Variants in CFAP54 observed in about 807,000 individuals in gnomAD.
The protein encoded by CFAP54 is cilia- and flagella-associated protein 54.
CFAP54 carries 290 observed loss-of-function variants against 370.4 expected under a neutral mutation model. The ratio of observed to expected loss-of-function variants is 0.78; its 90% confidence interval spans 0.71 to 0.86. CFAP54 has a LOEUF of 0.86. CFAP54 is among the 40% of genes least tolerant of loss of function. The probability of loss-of-function intolerance (pLI) is 0.00; values close to 1 mark genes in which losing one functional copy is unlikely to be tolerated. For missense variants in CFAP54, 3,399 were observed against 3,528.7 expected, an observed-to-expected ratio of 0.96 and a Z score of 0.93; for synonymous variants, 1,206 against 1,236.5, an observed-to-expected ratio of 0.98 and a Z score of 0.52.
At chr12:96,761,869 C>T (rs1327445709) in intron 58 of CFAP54, among the ~76,000 whole-genome samples, 1 of 152,042 alleles carries the variant, frequency 6.6e-6, no homozygotes, top group Non-Finnish European at 1.5e-5. Flanking sequence ...CTTGAGTTTC[C>T]ACTGTCTTGG....
chr12:96,631,629 A>T (rs1474953038), intron 32 of CFAP54, among the ~76,000 whole-genome samples: 1 of 150,436 alleles, frequency 6.6e-6, no homozygotes, highest in African/African-American at 2.4e-5. Context: ...GCGTTACATT[A>T]TTGTATACAT....
chr12:96,720,814 G>T (rs2136609624), intron 50 of CFAP54, among the ~76,000 whole-genome samples: 1 of 152,228 alleles, frequency 6.6e-6, no homozygotes, highest in Admixed American at 6.5e-5. Context: ...TTGAGGCCAG[G>T]AGTTGGAGAC....
At chr12:96,719,723 G>A (rs868389627) in intron 49 of CFAP54, among the ~76,000 whole-genome samples, 13 of 152,192 alleles carry the variant, frequency 8.5e-5, no homozygotes, top group Admixed American at 1.3e-4. Context: ...CTGACTTTTT[G>A]TTGCCACTCT....
chr12:96,664,793 A>ATC (rs1565934571), intron 39 of CFAP54, among the ~76,000 whole-genome samples: 1 of 26,180 alleles, frequency 3.8e-5, no homozygotes, highest in Admixed American at 4.3e-4. Flanking sequence ...ATATATATAT[A>ATC]TATATATATA....
intron 8 of CFAP54, among the ~76,000 whole-genome samples, chr12:96,523,477 T>TA (rs1404225405): frequency 6.6e-6 from 1 of 152,206 alleles, no homozygotes; most frequent in Non-Finnish European, 1.5e-5. Context: ...TTGGACATGG[T>TA]ACCTTTCCAT....
Position 96,651,852 on chromosome 12 carries a change from G to A in CFAP54, c.5100+37G>A. 1.5e-6 allele frequency: 2 copies of A among 1,307,272 alleles called. 1 individual carries two copies. The allele number at this position is 1,307,272 out of a possible 1,614,324, so 81.0% of individuals were successfully genotyped here. Reference sequence around the variant, plus strand: ...TTGGTAATTATTTTTATTATATTCAGTTAAAAATATCGTACTGTGCATCTT... The same window carrying A: ...TTGGTAATTATTTTTATTATATTCAATTAAAAATATCGTACTGTGCATCTT... On this transcript the variant is annotated intron_variant, in intron 36 of 67. Coordinates refer to ENST00000524981, the MANE Select transcript of CFAP54 (RefSeq NM_001306084.2).
intron 60 of CFAP54, among the ~76,000 whole-genome samples, chr12:96,775,454 G>A (rs1436281366): frequency 6.6e-6 from 1 of 152,036 alleles, no homozygotes; most frequent in Non-Finnish European, 1.5e-5. Context: ...CTTTACTGTG[G>A]ACATTGACAT....
intron 48 of CFAP54, among the ~76,000 whole-genome samples, chr12:96,711,029 C>T (rs773282795): frequency 3.3e-5 from 5 of 152,188 alleles, no homozygotes; most frequent in Admixed American, 2.6e-4. Flanking sequence ...ACAGTGAAGA[C>T]ATCTGAGCTT....
At position 96,647,830 on chromosome 12, in the gene CFAP54, A is replaced by G. The variant is rs796548360; in HGVS notation, c.4548-45A>G. ...GATTGCATTTGACAGATTTAATTCA[A>G]TTTTGCTTATATTGTTTTTTAATAT... On this transcript the variant is annotated intron_variant, in intron 33 of 67. Transcript: ENST00000524981. The G allele has an allele frequency of 5.6e-5, 80 of 1,436,110 alleles. No individual in the cohort carries two copies. In the African/African-American group the frequency reaches 1.1e-3, roughly 19 times the overall value. The allele number at this position is 1,436,110 out of a possible 1,614,324, so 89.0% of individuals were successfully genotyped here.
chr12:96,572,814 A>G, intron 19 of CFAP54: 1 of 964,750 alleles, frequency 1.0e-6, no homozygotes, highest in Non-Finnish European at 1.2e-6. Flanking sequence ...TTTTTAAATA[A>G]ACTCCATAGA....
intron 62 of CFAP54, among the ~76,000 whole-genome samples, chr12:96,787,448 G>T (rs1233032752): frequency 1.3e-5 from 2 of 152,086 alleles, no homozygotes; most frequent in South Asian, 4.1e-4. Flanking sequence ...AACTTTTTAA[G>T]GTATTGATTG....
chr12:96,670,843 C>T (rs1352694170), intron 39 of CFAP54, among the ~76,000 whole-genome samples: 2 of 152,160 alleles, frequency 1.3e-5, no homozygotes, highest in Non-Finnish European at 2.9e-5. Context: ...CAGCATAGGG[C>T]CTTGTTCTAG....
intron 8 of CFAP54, among the ~76,000 whole-genome samples, chr12:96,525,711 G>A (rs1955372396): frequency 6.6e-6 from 1 of 152,174 alleles, no homozygotes; most frequent in Non-Finnish European, 1.5e-5. Flanking sequence ...GTTTTTTTGA[G>A]ATGGAGTCTC....
Position 96,848,545 on chromosome 12 carries a change from A to C in CFAP54, c.9172-12274A>C, listed in dbSNP as rs1959433639. Among the ~76,000 whole-genome samples, 4 of 152,048 alleles carry C rather than the reference A, an allele frequency of 2.6e-5. No homozygotes were observed. The South Asian group carries it at 8.3e-4, about 32-fold the overall frequency. The stretch of plus-strand genomic sequence containing the variant: ...AACCCCATCTCTACTAAAAATACAA[A>C]AATTAGCTGGGTGTGGTGGCATGTG... On this transcript the variant is annotated intron_variant, in intron 66 of 67. Coordinates refer to ENST00000524981, the MANE Select transcript of CFAP54 (RefSeq NM_001306084.2).
At chr12:96,689,133 G>T in intron 43 of CFAP54, 151 bp downstream of exon 43, 1 of 506,710 alleles carries the variant, frequency 2.0e-6, no homozygotes, top group Admixed American at 3.8e-5. Context: ...CTTGCTGGCT[G>T]AACCCCTGTG....
At chr12:96,858,806 T>G (rs956943133) in intron 66 of CFAP54, among the ~76,000 whole-genome samples, 1 of 152,230 alleles carries the variant, frequency 6.6e-6, no homozygotes, top group Non-Finnish European at 1.5e-5. Context: ...ATCATTAAAA[T>G]GGCCATACTG....
intron 17 of CFAP54, among the ~76,000 whole-genome samples, chr12:96,557,868 A>G (rs914299839): frequency 3.3e-5 from 5 of 152,118 alleles, no homozygotes; most frequent in African/African-American, 1.2e-4. Flanking sequence ...TAAATTTATC[A>G]TATAAGGAAA....
chr12:96,722,389 A>G (rs1457040466), intron 50 of CFAP54, among the ~76,000 whole-genome samples: 1 of 152,146 alleles, frequency 6.6e-6, no homozygotes, highest in Non-Finnish European at 1.5e-5. Context: ...TATCCATGCA[A>G]ATATCTATAG....
At chr12:96,534,943 A>T (rs1422149784) in intron 11 of CFAP54, among the ~76,000 whole-genome samples, 1 of 150,838 alleles carries the variant, frequency 6.6e-6, no homozygotes, top group Non-Finnish European at 1.5e-5. Context: ...CAAATGTTGG[A>T]ATGTTGGATT....
Sources: gnomAD v4.1 joint callset for allele counts (sites outside exome capture counted in the v4.1 genomes callset) on GRCh38, gnomAD v4.1.1 for gene constraint, MANE v1.5 for transcripts, NCBI Gene and HGNC (gene_info 2026-07-23, HGNC 2026-07-21) for gene names.